TENM3: variants seen among roughly 807,000 people sequenced by gnomAD.
TENM3 encodes the protein teneurin transmembrane protein 3, also known as teneurin-3.
A neutral mutation model predicts 255.1 loss-of-function variants in TENM3; 63 were observed. The ratio of observed to expected loss-of-function variants is 0.25; its 90% CI spans 0.20 to 0.30. The LOEUF is 0.30. Among genes scored for constraint, TENM3 ranks in the 10% least tolerant of loss-of-function variants. The pLI, the probability that TENM3 is intolerant of heterozygous loss-of-function variation, is 1.00. For missense variants in TENM3, 2,929 were observed against 3,461.1 expected, an observed-to-expected ratio of 0.85 and a Z score of 3.86; for synonymous variants, 1,306 against 1,322.3, an observed-to-expected ratio of 0.99 and a Z score of 0.27.
chr4:181,739,330 TA>T, the TENM3 span, among the ~76,000 whole-genome samples: 1 of 152,210 alleles, frequency 6.6e-6, no homozygotes, highest in Non-Finnish European at 1.5e-5. Flanking sequence ...CACTTACTCA[TA>T]ATGTCACAGA....
At chr4:181,523,063 T>A in the TENM3 span, 1 of 572,774 alleles carries the variant, frequency 1.7e-6, no homozygotes, top group Non-Finnish European at 3.4e-6. Flanking sequence ...AGATTACAAA[T>A]GTATGAGCAT....
chr4:181,768,624 C>T, the TENM3 span, among the ~76,000 whole-genome samples: 1 of 152,102 alleles, frequency 6.6e-6, no homozygotes, highest in Non-Finnish European at 1.5e-5. Flanking sequence ...TGTTGTGATA[C>T]CAGTGCCAAT....
the TENM3 span, among the ~76,000 whole-genome samples, chr4:181,612,128 C>T: frequency 6.6e-6 from 1 of 152,162 alleles, no homozygotes; most frequent in Non-Finnish European, 1.5e-5. Flanking sequence ...GCCCCCAGAG[C>T]CCCAGCCTCT....
intron 3 of TENM3, among the ~76,000 whole-genome samples, chr4:182,556,459 A>G (rs933863870): frequency 1.3e-5 from 2 of 152,246 alleles, no homozygotes; most frequent in Admixed American, 1.3e-4. Flanking sequence ...AAAATTGAAT[A>G]CAACAAAGTA....
chr4:182,661,104 T>A (rs1380450994), intron 6 of TENM3, among the ~76,000 whole-genome samples: 2 of 152,172 alleles, frequency 1.3e-5, no homozygotes, highest in African/African-American at 4.8e-5. Flanking sequence ...GGATACGAGT[T>A]GAAAAACTAC....
At chr4:182,383,058 A>G (rs1712881458) in intron 3 of TENM3, among the ~76,000 whole-genome samples, 1 of 152,194 alleles carries the variant, frequency 6.6e-6, no homozygotes, top group African/African-American at 2.4e-5. Context: ...TTCTGTTGCA[A>G]TAGGGGAGAG....
intron 1 of TENM3, among the ~76,000 whole-genome samples, chr4:182,272,923 G>A (rs1008799739): frequency 2.6e-5 from 4 of 152,120 alleles, no homozygotes; most frequent in South Asian, 2.1e-4. Context: ...AGGTACCTGC[G>A]GTATGAGTCC....
chr4:182,692,297 A>G (rs28595240), intron 12 of TENM3, among the ~76,000 whole-genome samples: 4,712 of 152,354 alleles, frequency 0.031, 229 homozygotes, highest in African/African-American at 0.1. Flanking sequence ...AGAGTCAATC[A>G]CTTTTAAGTG....
chr4:181,526,235 T>C, the TENM3 span, among the ~76,000 whole-genome samples: 1 of 151,526 alleles, frequency 6.6e-6, no homozygotes, highest in African/African-American at 2.4e-5. Context: ...TTAATCACTT[T>C]TGCTTTATAA....
intron 3 of TENM3, among the ~76,000 whole-genome samples, chr4:182,499,402 A>G (rs764576784): frequency 1.4e-4 from 21 of 152,206 alleles, no homozygotes; most frequent in Non-Finnish European, 2.9e-4. Context: ...CTTCCCCAAC[A>G]ACACAGAACT....
At chr4:181,453,238 G>A in the TENM3 span, among the ~76,000 whole-genome samples, 1 of 152,196 alleles carries the variant, frequency 6.6e-6, no homozygotes, top group Admixed American at 6.5e-5. Flanking sequence ...AGGAAAGACA[G>A]GAAGTGTCTG....
At chr4:182,467,472 A>G (rs1732705381) in intron 3 of TENM3, among the ~76,000 whole-genome samples, 1 of 152,236 alleles carries the variant, frequency 6.6e-6, no homozygotes, top group Non-Finnish European at 1.5e-5. Flanking sequence ...TATCTGTAAG[A>G]ATGAAGGGAT....
the TENM3 span, among the ~76,000 whole-genome samples, chr4:181,495,413 T>G: frequency 6.6e-6 from 1 of 152,180 alleles, no homozygotes; most frequent in South Asian, 2.1e-4. Context: ...CTAAGCATTC[T>G]CCTCTTCTGT....
the TENM3 span, among the ~76,000 whole-genome samples, chr4:181,662,283 T>A: frequency 6.6e-6 from 1 of 152,214 alleles, no homozygotes; most frequent in Non-Finnish European, 1.5e-5. Context: ...TTGTATTCAA[T>A]TCTGAGTTTG....
chr4:182,612,678 C>G (rs1417211294), intron 4 of TENM3, among the ~76,000 whole-genome samples: 1 of 152,132 alleles, frequency 6.6e-6, no homozygotes, highest in African/African-American at 2.4e-5. Flanking sequence ...CCTGCTCCTT[C>G]TAACCTTTGA....
At chr4:182,248,422 T>C (rs977544277) in intron 1 of TENM3, among the ~76,000 whole-genome samples, 3 of 152,236 alleles carry the variant, frequency 2.0e-5, no homozygotes, top group Admixed American at 6.5e-5. Flanking sequence ...AAAGGCATTA[T>C]TGTACATTCT....
At chr4:181,863,022 T>C in the TENM3 span, among the ~76,000 whole-genome samples, 1 of 152,168 alleles carries the variant, frequency 6.6e-6, no homozygotes, top group Non-Finnish European at 1.5e-5. Flanking sequence ...TGAAAAATGT[T>C]AATACTTTTG....
chr4:181,688,760 T>G, the TENM3 span, among the ~76,000 whole-genome samples: 15 of 152,318 alleles, frequency 9.8e-5, no homozygotes, highest in East Asian at 2.9e-3. Flanking sequence ...CAGGAGAAAC[T>G]GCAACAGTCG....
At chr4:181,629,200 T>A in the TENM3 span, among the ~76,000 whole-genome samples, 4 of 152,230 alleles carry the variant, frequency 2.6e-5, no homozygotes. Context: ...CCTGAGACTT[T>A]GCTGAAGTTG....
Sources: gnomAD v4.1 joint callset for allele counts (sites outside exome capture counted in the v4.1 genomes callset) on GRCh38, gnomAD v4.1.1 for gene constraint, MANE v1.5 for transcripts, NCBI Gene and HGNC (gene_info 2026-07-23, HGNC 2026-07-21) for gene names.